The following FER1L6 variants were observed in gnomAD, a reference collection of about 807,000 sequenced individuals.
The protein encoded by FER1L6 is fer-1-like protein 6.
Under a neutral mutation model 219.2 loss-of-function variants are expected in FER1L6, and 177 were observed. The ratio of observed to expected loss-of-function variants is 0.81; its 90% CI spans 0.71 to 0.91. The LOEUF (loss-of-function observed/expected upper bound fraction) is 0.91. FER1L6 is among the 40% of genes least tolerant of loss of function. FER1L6 has a pLI of 0.00. For missense variants in FER1L6, 2,153 were observed against 2,259.9 expected, an observed-to-expected ratio of 0.95 and a Z score of 0.96; for synonymous variants, 768 against 824.3, an observed-to-expected ratio of 0.93 and a Z score of 1.17.
At chr8:123,980,861 G>A in intron 11 of FER1L6, 50 bp downstream of exon 11, 6 of 1,449,634 alleles carry the variant, frequency 4.1e-6, no homozygotes, top group Non-Finnish European at 5.6e-6. Context: ...GTGAACCAGA[G>A]CAGGGACTGC....
chr8:123,858,149 AG>A (rs1160437689), intron 1 of FER1L6, among the ~76,000 whole-genome samples: 2 of 152,172 alleles, frequency 1.3e-5, no homozygotes, highest in African/African-American at 4.8e-5. Context: ...TACTTTAACC[AG>A]GTTCCTTTAA....
chr8:124,065,299 G>T (rs1820778034), intron 26 of FER1L6, among the ~76,000 whole-genome samples: 1 of 151,322 alleles, frequency 6.6e-6, no homozygotes, highest in Non-Finnish European at 1.5e-5. Flanking sequence ...TACTCCAGAG[G>T]CTGAGGCAGG....
intron 1 of FER1L6, among the ~76,000 whole-genome samples, chr8:123,889,924 A>G (rs1812609295): frequency 1.3e-5 from 2 of 152,244 alleles, no homozygotes; most frequent in South Asian, 4.1e-4. Flanking sequence ...CTGTATGTCT[A>G]TCCTTGTGCA....
chr8:123,973,390 C>T (rs745520447), intron 6 of FER1L6, 44 bp from the exon 7 acceptor site: 1 of 1,506,570 alleles, frequency 6.6e-7, no homozygotes, highest in Non-Finnish European at 9.2e-7. Context: ...GGCCTCTTAT[C>T]CTCAAGGTAA....
At chr8:123,982,937 T>C (rs369519607) in intron 11 of FER1L6, among the ~76,000 whole-genome samples, 31 of 152,342 alleles carry the variant, frequency 2.0e-4, no homozygotes, top group African/African-American at 7.5e-4. Flanking sequence ...TGAAACTGTC[T>C]TTCATGACCT....
intron 15 of FER1L6, among the ~76,000 whole-genome samples, chr8:124,016,421 T>C (rs894131924): frequency 2.6e-5 from 4 of 152,096 alleles, no homozygotes; most frequent in African/African-American, 9.7e-5. Flanking sequence ...TTATAATTGA[T>C]TTTTTTCATC....
chr8:124,097,059 T>C (rs1471059349), intron 35 of FER1L6, among the ~76,000 whole-genome samples: 1 of 130,106 alleles, frequency 7.7e-6, no homozygotes, highest in Non-Finnish European at 1.6e-5. Flanking sequence ...TAATTTATGC[T>C]CTAATTCCTA....
intron 17 of FER1L6, among the ~76,000 whole-genome samples, chr8:124,022,335 C>G (rs1041456780): frequency 3.3e-5 from 5 of 152,206 alleles, no homozygotes; most frequent in African/African-American, 1.2e-4. Flanking sequence ...TTAGTTTTAC[C>G]TGATCACTAG....
chr8:124,052,551 C>T (rs1052664092), intron 22 of FER1L6, among the ~76,000 whole-genome samples: 17 of 152,076 alleles, frequency 1.1e-4, no homozygotes, highest in Middle Eastern at 3.4e-3. Context: ...TTTGGGAGGC[C>T]GAGGAGCACG....
At chr8:123,891,411 A>G (rs1812646356) in intron 1 of FER1L6, among the ~76,000 whole-genome samples, 1 of 151,592 alleles carries the variant, frequency 6.6e-6, no homozygotes, top group Admixed American at 6.6e-5. Flanking sequence ...TGAGATTTGC[A>G]TTTACCTTCT....
At chr8:123,910,312 A>G (rs932683856) in intron 1 of FER1L6, among the ~76,000 whole-genome samples, 4 of 152,220 alleles carry the variant, frequency 2.6e-5, no homozygotes, top group South Asian at 4.1e-4. Flanking sequence ...CATCCAATCA[A>G]TGGCATGAAG....
intron 1 of FER1L6, among the ~76,000 whole-genome samples, chr8:123,950,344 T>C (rs1332416034): frequency 6.6e-6 from 1 of 152,178 alleles, no homozygotes; most frequent in East Asian, 1.9e-4. Context: ...TTGTTTCTAT[T>C]GTGGGCACCG....
At chr8:123,889,894 G>T (rs780743763) in intron 1 of FER1L6, among the ~76,000 whole-genome samples, 1 of 152,070 alleles carries the variant, frequency 6.6e-6, no homozygotes, top group Non-Finnish European at 1.5e-5. Context: ...TAAGTCATAT[G>T]TAGTTTTTTT....
In FER1L6 at chr8:124,071,577, A is replaced by G; in HGVS notation, c.4038A>G (p.Gln1346=). 6.2e-7 allele frequency: 1 copy of G among 1,614,138 alleles called. No homozygotes were observed. Among genetic ancestry groups the G allele is most frequent in the Non-Finnish European group, 8.5e-7 (1 of 1,179,982 alleles). ...ACAGCGGGCAGCTGAGAATCCAGCAAGGGATTCCGCCCAATCACCCTGTCA... is the reference window on the plus strand; with the variant it reads ...ACAGCGGGCAGCTGAGAATCCAGCAGGGGATTCCGCCCAATCACCCTGTCA... The part of the protein sequence containing the change: ...SEDSGQLRIQ[Q]GIPPNHPVTV... The change falls in exon 31 of 41, where the codon CAA becomes CAG. Residue 1346 remains glutamine, a synonymous_variant. Transcript: ENST00000522917.
At chr8:124,000,314 T>C (rs1276518222) in intron 12 of FER1L6, among the ~76,000 whole-genome samples, 2 of 152,230 alleles carry the variant, frequency 1.3e-5, no homozygotes, top group Admixed American at 1.3e-4. Context: ...CAGTGCTTCT[T>C]TCCTTAATAT....
At chr8:123,965,964 T>A in intron 3 of FER1L6, 43 bp from the exon 4 acceptor site, 1 of 1,510,208 alleles carries the variant, frequency 6.6e-7, no homozygotes, top group Non-Finnish European at 9.2e-7. Flanking sequence ...CTTATGGATA[T>A]TCTTCCTTGA....
intron 1 of FER1L6, among the ~76,000 whole-genome samples, chr8:123,934,983 G>A (rs1813926853): frequency 6.6e-6 from 1 of 152,062 alleles, no homozygotes. Context: ...TTCCTGTTAA[G>A]CCTGTAGAAC....
intron 35 of FER1L6, among the ~76,000 whole-genome samples, chr8:124,096,434 A>C (rs1195082936): frequency 1.3e-5 from 2 of 152,136 alleles, no homozygotes; most frequent in Non-Finnish European, 2.9e-5. Flanking sequence ...GTCCCACCTC[A>C]TTCTTATAAA....
chr8:124,091,360 C>A, intron 33 of FER1L6, 63 bp from the exon 34 acceptor site: 1 of 1,361,976 alleles, frequency 7.3e-7, no homozygotes, highest in Non-Finnish European at 1.0e-6. Flanking sequence ...AGAAACTGCA[C>A]AGATCATACT....
Sources: allele counts gnomAD v4.1 joint callset (sites outside exome capture counted in the v4.1 genomes callset), GRCh38; gene constraint gnomAD v4.1.1; transcripts MANE v1.5; gene names NCBI Gene and HGNC (gene_info 2026-07-23, HGNC 2026-07-21).